The following PKIB variants were observed in gnomAD, a reference collection of about 807,000 sequenced individuals.
PKIB encodes the protein PKI-beta.
In PKIB, 2 loss-of-function variants were observed where a neutral mutation model predicts 4.5. The ratio of observed to expected loss-of-function variants is 0.44; its 90% CI spans 0.18 to 1.39. PKIB has a LOEUF of 1.39. Among genes scored for constraint, PKIB ranks in the 40% most tolerant of loss-of-function variants. The pLI, the probability that PKIB is intolerant of heterozygous loss-of-function variation, is 0.27. For synonymous variants in PKIB, 38 were observed against 36.0 expected (o/e 1.06, Z -0.20); for missense variants, 94 against 92.6 (o/e 1.02, Z -0.06).
intron 3 of PKIB, among the ~76,000 whole-genome samples, chr6:122,595,930 A>T (rs1054870649): frequency 2.0e-5 from 3 of 152,232 alleles, no homozygotes; most frequent in African/African-American, 7.2e-5. Context: ...GAGTACTCAC[A>T]TGGGAAACAA....
At chr6:122,576,549 T>A (rs2114701394) in intron 2 of PKIB, among the ~76,000 whole-genome samples, 1 of 149,706 alleles carries the variant, frequency 6.7e-6, no homozygotes, top group South Asian at 2.1e-4. Context: ...GCGCCTGTAG[T>A]CCCAGCTAAT....
At chr6:122,662,645 T>A (rs1777055989) in intron 2 of PKIB, among the ~76,000 whole-genome samples, 1 of 152,088 alleles carries the variant, frequency 6.6e-6, no homozygotes, top group African/African-American at 2.4e-5. Flanking sequence ...AACATAAAGA[T>A]GAGGCATGGA....
intron 1 of PKIB, among the ~76,000 whole-genome samples, chr6:122,632,070 A>G (rs1775726424): frequency 6.6e-6 from 1 of 152,222 alleles, no homozygotes; most frequent in Admixed American, 6.5e-5. Flanking sequence ...AACCCCTGGA[A>G]GAATGGGTGG....
Position 122,565,719 on chromosome 6 carries a change from TTTA to T in PKIB, c.-247-20201_-247-20199del, listed in dbSNP as rs569934088. Reference sequence around the variant, plus strand: ...CACCTCAACTTGGCCAATTCAACTTTTTAAGATTTTCCAGTAACAACAACTGTC... The same window carrying T: ...CACCTCAACTTGGCCAATTCAACTTTAGATTTTCCAGTAACAACAACTGTC... On this transcript the variant is annotated intron_variant, in intron 2 of 6. Coordinates refer to the PKIB transcript ENST00000392491. 7.9e-5 allele frequency among the ~76,000 whole-genome samples: 12 copies of T among 152,314 alleles called. No homozygotes were observed. In the East Asian group the frequency reaches 2.1e-3, roughly 27 times the overall value.
At chr6:122,575,360 A>G (rs774105375) in intron 2 of PKIB, among the ~76,000 whole-genome samples, 3 of 152,186 alleles carry the variant, frequency 2.0e-5, no homozygotes, top group Non-Finnish European at 4.4e-5. Context: ...TTAAATAACT[A>G]AAAGTAGAAC....
At chr6:122,683,028 C>G (rs1022438123) in intron 3 of PKIB, among the ~76,000 whole-genome samples, 3 of 152,158 alleles carry the variant, frequency 2.0e-5, no homozygotes, top group African/African-American at 7.2e-5. Context: ...CAGGTGTCTG[C>G]TCATCTCCCA....
chr6:122,691,457 A>G (rs1319634510), intron 3 of PKIB, among the ~76,000 whole-genome samples: 2 of 152,092 alleles, frequency 1.3e-5, no homozygotes, highest in East Asian at 1.9e-4. Context: ...TGCTGTATCA[A>G]TTCTGCTATT....
At chr6:122,680,954 C>T (rs966607074) in intron 3 of PKIB, among the ~76,000 whole-genome samples, 14 of 152,066 alleles carry the variant, frequency 9.2e-5, no homozygotes, top group African/African-American at 3.4e-4. Flanking sequence ...ACTAACTGAC[C>T]GACTTCATCT....
At chr6:122,522,617 T>C (rs1396247391) in intron 2 of PKIB, among the ~76,000 whole-genome samples, 1 of 152,156 alleles carries the variant, frequency 6.6e-6, no homozygotes, top group East Asian at 1.9e-4. Flanking sequence ...GTGTAGTATC[T>C]GGGCTGGATA....
intron 3 of PKIB, among the ~76,000 whole-genome samples, chr6:122,685,556 G>A (rs1439185936): frequency 6.6e-6 from 1 of 151,936 alleles, no homozygotes; most frequent in African/African-American, 2.4e-5. Flanking sequence ...TACATAGTAG[G>A]TGTATATATT....
chr6:122,621,027 G>A (rs2114788369), intron 1 of PKIB, among the ~76,000 whole-genome samples: 1 of 152,032 alleles, frequency 6.6e-6, no homozygotes, highest in Non-Finnish European at 1.5e-5. Flanking sequence ...AATAAAGGGA[G>A]TACAAGCAAT....
At chr6:122,657,962 T>A (rs931746258) in intron 2 of PKIB, among the ~76,000 whole-genome samples, 3 of 152,214 alleles carry the variant, frequency 2.0e-5, no homozygotes, top group Non-Finnish European at 4.4e-5. Flanking sequence ...CAAATTCTAA[T>A]TTTCTGCTAT....
chr6:122,639,328 C>T (rs1776041959), intron 2 of PKIB, among the ~76,000 whole-genome samples: 1 of 152,188 alleles, frequency 6.6e-6, no homozygotes, highest in Non-Finnish European at 1.5e-5. Context: ...GGAATATATA[C>T]AAAGAATGAA....
At chr6:122,696,114 T>G (rs1010431708) in intron 3 of PKIB, among the ~76,000 whole-genome samples, 1 of 152,198 alleles carries the variant, frequency 6.6e-6, no homozygotes. Context: ...AACGATCACT[T>G]AAGTTTCTGT....
chr6:122,706,909 G>A (rs1227532244), intron 3 of PKIB, among the ~76,000 whole-genome samples: 1 of 151,974 alleles, frequency 6.6e-6, no homozygotes, highest in Admixed American at 6.6e-5. Flanking sequence ...TTCTGTGAAT[G>A]TATTTTAAAA....
intron 3 of PKIB, among the ~76,000 whole-genome samples, chr6:122,712,054 C>G (rs890485566): frequency 6.6e-6 from 1 of 152,078 alleles, no homozygotes; most frequent in African/African-American, 2.4e-5. Flanking sequence ...AAAAATTACG[C>G]AGGTCTACAT....
chr6:122,682,211 G>A (rs1011312596), intron 3 of PKIB, among the ~76,000 whole-genome samples: 1 of 152,002 alleles, frequency 6.6e-6, no homozygotes, highest in Non-Finnish European at 1.5e-5. Flanking sequence ...GTGGAGGAAG[G>A]CTTATGAGTT....
At chr6:122,547,657 ACTGT>A (rs1027134927) in intron 2 of PKIB, among the ~76,000 whole-genome samples, 6 of 152,022 alleles carry the variant, frequency 3.9e-5, no homozygotes, top group African/African-American at 7.2e-5. Flanking sequence ...GCTTTCTTAT[ACTGT>A]CTGTCTTGGC....
chr6:122,512,615 G>A (rs1776619237), intron 2 of PKIB, among the ~76,000 whole-genome samples: 1 of 152,130 alleles, frequency 6.6e-6, no homozygotes, highest in South Asian at 2.1e-4. Context: ...CTGCTCCTTT[G>A]GACAATACAT....
Sources: gnomAD v4.1 joint callset for allele counts (sites outside exome capture counted in the v4.1 genomes callset) on GRCh38, gnomAD v4.1.1 for gene constraint, MANE v1.5 for transcripts, NCBI Gene and HGNC (gene_info 2026-07-23, HGNC 2026-07-21) for gene names.